CIMAP3: variants seen among roughly 807,000 people sequenced by gnomAD.
The protein encoded by CIMAP3 is ciliary microtubule-associated protein 3.
chr1:111,329,239 TTG>T, the CIMAP3 span, among the ~76,000 whole-genome samples: 1 of 152,066 alleles, frequency 6.6e-6, no homozygotes, highest in African/African-American at 2.4e-5. Flanking sequence ...GGAGTACCCT[TTG>T]TAGGTGACCT....
chr1:111,340,622 G>T, the CIMAP3 span, among the ~76,000 whole-genome samples: 2 of 152,114 alleles, frequency 1.3e-5, no homozygotes, highest in Non-Finnish European at 2.9e-5. Flanking sequence ...ACCATCACTG[G>T]CCATCAGAGA....
the CIMAP3 span, among the ~76,000 whole-genome samples, chr1:111,338,640 C>T: frequency 3.3e-5 from 5 of 152,060 alleles, no homozygotes; most frequent in Non-Finnish European, 7.3e-5. Flanking sequence ...TACACTCTCC[C>T]GAGACTAAAC....
the CIMAP3 span, among the ~76,000 whole-genome samples, chr1:111,328,858 A>G: frequency 6.6e-6 from 1 of 152,198 alleles, no homozygotes; most frequent in African/African-American, 2.4e-5. Flanking sequence ...TTCAAGGTTC[A>G]TATTAATATG....
chr1:111,327,434 C>T, the CIMAP3 span, among the ~76,000 whole-genome samples: 1 of 152,026 alleles, frequency 6.6e-6, no homozygotes, highest in Non-Finnish European at 1.5e-5. Context: ...GAAAATGGTC[C>T]CAGCTCTTCT....
the CIMAP3 span, among the ~76,000 whole-genome samples, chr1:111,332,788 A>T: frequency 3.5e-4 from 53 of 152,042 alleles, no homozygotes; most frequent in Middle Eastern, 6.8e-3. Flanking sequence ...GCAGGAGGTG[A>T]CCCACAGGAT....
the CIMAP3 span, among the ~76,000 whole-genome samples, chr1:111,334,247 A>T: frequency 6.6e-6 from 1 of 152,222 alleles, no homozygotes. Flanking sequence ...AAGATATACC[A>T]AGAAAGAAAG....
chr1:111,347,921 C>T, the CIMAP3 span: 1 of 609,236 alleles, frequency 1.6e-6, no homozygotes, highest in Non-Finnish European at 2.9e-6. Flanking sequence ...ATTAAGAAGC[C>T]TATCTGAAAA....
the CIMAP3 span, chr1:111,349,621 A>G: frequency 1.3e-5 from 2 of 153,100 alleles, no homozygotes; most frequent in Admixed American, 1.3e-4. Flanking sequence ...AAGAGTCCAC[A>G]CCAAAAGACA....
the CIMAP3 span, among the ~76,000 whole-genome samples, chr1:111,342,072 G>A: frequency 1.3e-5 from 2 of 152,130 alleles, no homozygotes; most frequent in South Asian, 4.1e-4. Context: ...TGTACAGTAA[G>A]GTCTGACAAC....
At chr1:111,348,472 A>G in the CIMAP3 span, 15 of 1,538,678 alleles carry the variant, frequency 9.7e-6, no homozygotes, top group Non-Finnish European at 1.3e-5. Context: ...GTGTATATAT[A>G]TACATATCAC....
chr1:111,347,683 T>A, the CIMAP3 span: 8 of 1,607,526 alleles, frequency 5.0e-6, no homozygotes, highest in South Asian at 8.8e-5. Flanking sequence ...GGGATATGGC[T>A]TGGCATACGA....
At chr1:111,347,803 G>A in the CIMAP3 span, 23 of 1,494,278 alleles carry the variant, frequency 1.5e-5, no homozygotes, top group Non-Finnish European at 2.1e-5. Flanking sequence ...TGTTATCCAC[G>A]TTGTTGCATG....
chr1:111,342,385 C>T, the CIMAP3 span, among the ~76,000 whole-genome samples: 1 of 152,192 alleles, frequency 6.6e-6, no homozygotes, highest in Non-Finnish European at 1.5e-5. Flanking sequence ...CTTCCTGGTC[C>T]CTTTCTCTTT....
At chr1:111,347,061 C>T in the CIMAP3 span, 9 of 1,602,202 alleles carry the variant, frequency 5.6e-6, no homozygotes, top group Middle Eastern at 1.7e-4. Context: ...TGAGTATTCA[C>T]CTCCCCTTAG....
chr1:111,325,282 A>T, the CIMAP3 span, among the ~76,000 whole-genome samples: 1 of 152,238 alleles, frequency 6.6e-6, no homozygotes, highest in African/African-American at 2.4e-5. Context: ...ATGCCATTTT[A>T]TAGATAAACC....
At chr1:111,339,761 G>A in the CIMAP3 span, among the ~76,000 whole-genome samples, 1 of 151,774 alleles carries the variant, frequency 6.6e-6, no homozygotes, top group East Asian at 1.9e-4. Flanking sequence ...AATCAATATC[G>A]TGAAAATGGC....
chr1:111,327,658 G>A, the CIMAP3 span, among the ~76,000 whole-genome samples: 11 of 152,036 alleles, frequency 7.2e-5, no homozygotes, highest in East Asian at 1.9e-4. Context: ...GGTGTTCTTA[G>A]TAGTTTCTGA....
At chr1:111,336,958 T>C in the CIMAP3 span, among the ~76,000 whole-genome samples, 1 of 151,776 alleles carries the variant, frequency 6.6e-6, no homozygotes, top group Admixed American at 6.5e-5. Flanking sequence ...AAAGGTCGGG[T>C]TACCCACAAA....
the CIMAP3 span, among the ~76,000 whole-genome samples, chr1:111,328,373 C>T: frequency 6.6e-6 from 1 of 152,098 alleles, no homozygotes; most frequent in Non-Finnish European, 1.5e-5. Context: ...TCCATTGGGT[C>T]CAATGTTGAG....
Sources: gnomAD v4.1 joint callset for allele counts (sites outside exome capture counted in the v4.1 genomes callset) on GRCh38, gnomAD v4.1.1 for gene constraint, MANE v1.5 for transcripts, NCBI Gene and HGNC (gene_info 2026-07-23, HGNC 2026-07-21) for gene names.